The following DLGAP2 variants were observed in gnomAD, a reference collection of about 807,000 sequenced individuals.
DLGAP2 encodes the protein disks large-associated protein 2.
DLGAP2 carries 26 observed loss-of-function variants against 100.3 expected under a neutral mutation model. That is an observed-to-expected ratio of 0.26 (90% CI 0.19 to 0.36). DLGAP2 has a LOEUF of 0.36. Among genes scored for constraint, DLGAP2 ranks in the 10% least tolerant of loss-of-function variants. DLGAP2 has a pLI of 1.00. For synonymous variants in DLGAP2, 886 were observed against 630.1 expected (o/e 1.41, Z -6.08); for missense variants, 1,858 against 1,453.2 (o/e 1.28, Z -4.53).
chr8:803,217 C>G lies in DLGAP2; in HGVS notation c.18+65392C>G, dbSNP rs570043651. ...GGTCAGCTTGAGTGCCGCTTCCTCC[C>G]CACAAACCTCTCCATGTTTCTCCAG... On this transcript the variant is annotated intron_variant, in intron 1 of 14. Transcript: ENST00000637795. 1.4e-4 allele frequency among the ~76,000 whole-genome samples: 21 copies of G among 152,308 alleles called. 1 individual carries two copies. Among genetic ancestry groups the G allele is most frequent in the African/African-American group, 4.8e-4 (20 of 41,570 alleles).
At chr8:1,258,279 T>C (rs1799270633) in intron 2 of DLGAP2, among the ~76,000 whole-genome samples, 3 of 152,194 alleles carry the variant, frequency 2.0e-5, no homozygotes, top group Non-Finnish European at 4.4e-5. Flanking sequence ...TCTAAGTAAT[T>C]TCTGTTCACC....
intron 13 of DLGAP2, among the ~76,000 whole-genome samples, chr8:1,693,771 A>G (rs144065374): frequency 3.3e-5 from 5 of 152,344 alleles, no homozygotes; most frequent in African/African-American, 1.2e-4. Flanking sequence ...CACTCTGACA[A>G]AGTTATAATC....
At chr8:1,485,310 A>ATAT (rs1799210060) in intron 3 of DLGAP2, among the ~76,000 whole-genome samples, 6 of 152,206 alleles carry the variant, frequency 3.9e-5, no homozygotes, top group Admixed American at 3.9e-4. Context: ...AGATTTTTTC[A>ATAT]TATCATTTTT....
intron 2 of DLGAP2, among the ~76,000 whole-genome samples, chr8:1,205,160 C>T (rs916707131): frequency 6.6e-6 from 1 of 152,150 alleles, no homozygotes; most frequent in Admixed American, 6.5e-5. Flanking sequence ...AGGTCCATCG[C>T]GTTTTTTCCT....
chr8:833,415 T>C (rs988388505), intron 1 of DLGAP2, among the ~76,000 whole-genome samples: 69 of 152,324 alleles, frequency 4.5e-4, no homozygotes, highest in African/African-American at 1.6e-3. Flanking sequence ...CTCTTGAGGT[T>C]CTGGGGGGAC....
At chr8:1,589,692 C>G (rs759749268) in intron 6 of DLGAP2, among the ~76,000 whole-genome samples, 2 of 152,184 alleles carry the variant, frequency 1.3e-5, no homozygotes, top group African/African-American at 2.4e-5. Context: ...AAGCAATCCA[C>G]CCGCCCAAGG....
intron 2 of DLGAP2, among the ~76,000 whole-genome samples, chr8:969,542 G>GAAAATAAAA (rs1799963452): frequency 7.0e-6 from 1 of 141,930 alleles, no homozygotes. Flanking sequence ...GTGCCAGTTA[G>GAAAATAAAA]AAAAAAAAAA....
chr8:1,124,953 C>A (rs1372232933), intron 2 of DLGAP2, among the ~76,000 whole-genome samples: 1 of 152,186 alleles, frequency 6.6e-6, no homozygotes, highest in South Asian at 2.1e-4. Context: ...TCCCCCTCAT[C>A]GCTGACTGTC....
In DLGAP2 at chr8:797,272, AT is replaced by A. The variant is rs1254458051; in HGVS notation, c.18+59452del. Among the ~76,000 whole-genome samples the A allele has an allele frequency of 5.9e-5, 9 of 152,084 alleles. No individual in the cohort carries two copies. In the East Asian group the frequency reaches 1.5e-3, roughly 26 times the overall value. On this transcript the variant is annotated intron_variant, in intron 1 of 14. Transcript: ENST00000637795. ...CTTGCTGCTTCTATCACTGTAGAAT[AT>A]TTTTCCTACTCTTAAAAAAATGGAT...
chr8:1,535,547 C>T (rs1056134952), intron 4 of DLGAP2, among the ~76,000 whole-genome samples: 1 of 152,214 alleles, frequency 6.6e-6, no homozygotes, highest in Non-Finnish European at 1.5e-5. Context: ...GCATGCCTGG[C>T]ACACACGTTG....
chr8:1,618,833 G>C (rs1330466898), intron 6 of DLGAP2, among the ~76,000 whole-genome samples: 1 of 152,156 alleles, frequency 6.6e-6, no homozygotes, highest in African/African-American at 2.4e-5. Context: ...TCTGTGCACT[G>C]TAGGATCTTT....
At chr8:1,238,604 C>A (rs1250574021) in intron 2 of DLGAP2, among the ~76,000 whole-genome samples, 1 of 93,942 alleles carries the variant, frequency 1.1e-5, no homozygotes, top group African/African-American at 4.2e-5. Flanking sequence ...CACATGGTGC[C>A]GTGTCTAGTT....
intron 4 of DLGAP2, among the ~76,000 whole-genome samples, chr8:1,544,991 A>T (rs1176511529): frequency 1.3e-5 from 2 of 152,106 alleles, no homozygotes; most frequent in Non-Finnish European, 1.5e-5. Context: ...TCAGCCGCCC[A>T]AAGTGCTGAG....
chr8:1,389,761 G>A (rs1248257430), intron 3 of DLGAP2, among the ~76,000 whole-genome samples: 1 of 152,150 alleles, frequency 6.6e-6, no homozygotes, highest in Admixed American at 6.5e-5. Flanking sequence ...AGCAGCTGGG[G>A]ACCTACAGGT....
chr8:1,411,486 C>T (rs1396556307), intron 3 of DLGAP2, among the ~76,000 whole-genome samples: 1 of 152,210 alleles, frequency 6.6e-6, no homozygotes, highest in Non-Finnish European at 1.5e-5. Flanking sequence ...TCCTGCTTGC[C>T]TCCGGCTCCC....
chr8:961,037 C>T (rs938328572), intron 2 of DLGAP2, among the ~76,000 whole-genome samples: 3 of 152,186 alleles, frequency 2.0e-5, no homozygotes, highest in African/African-American at 7.2e-5. Context: ...GCACAGACCC[C>T]CATGTTGACA....
intron 4 of DLGAP2, among the ~76,000 whole-genome samples, chr8:1,536,301 C>T (rs9918765): frequency 0.54 from 81,789 of 151,794 alleles, 22,444 homozygotes; most frequent in South Asian, 0.71. Context: ...GACGACTTCC[C>T]GGGATTGTTA....
chr8:1,389,275 C>T (rs1796291977), intron 3 of DLGAP2, among the ~76,000 whole-genome samples: 1 of 138,530 alleles, frequency 7.2e-6, no homozygotes. Context: ...TCCTCCCAGT[C>T]AGTGGGGAGG....
chr8:849,503 T>C (rs1465495133), intron 1 of DLGAP2, among the ~76,000 whole-genome samples: 1 of 152,210 alleles, frequency 6.6e-6, no homozygotes, highest in Non-Finnish European at 1.5e-5. Flanking sequence ...TGGTAGTGTA[T>C]GTTTAACTTT....
Sources: allele counts gnomAD v4.1 joint callset (sites outside exome capture counted in the v4.1 genomes callset), GRCh38; gene constraint gnomAD v4.1.1; transcripts MANE v1.5; gene names NCBI Gene and HGNC (gene_info 2026-07-23, HGNC 2026-07-21).